N4BP2L2: variants seen among roughly 807,000 people sequenced by gnomAD.
N4BP2L2 encodes NEDD4-binding protein 2-like 2.
N4BP2L2 carries 50 observed loss-of-function variants against 56.2 expected under a neutral mutation model. That is an observed-to-expected ratio of 0.89 (90% CI 0.71 to 1.13). The LOEUF (loss-of-function observed/expected upper bound fraction) is 1.13, where lower values mean the gene tolerates loss of function less well. Ranked by LOEUF, N4BP2L2 falls within the 50% of genes most tolerant of loss-of-function variation. The probability of loss-of-function intolerance (pLI) is 0.00; values close to 1 mark genes in which losing one functional copy is unlikely to be tolerated. For synonymous variants in N4BP2L2, 203 were observed against 223.6 expected, an observed-to-expected ratio of 0.91 and a Z score of 0.82; for missense variants, 689 against 693.8, an observed-to-expected ratio of 0.99 and a Z score of 0.08.
intron 6 of N4BP2L2, among the ~76,000 whole-genome samples, chr13:32,462,497 GA>G (rs1341502301): frequency 6.6e-6 from 1 of 152,044 alleles, no homozygotes; most frequent in African/African-American, 2.4e-5. Context: ...GTTGGTTAAT[GA>G]GCACAAACAT....
At chr13:32,518,105 G>A in intron 5 of N4BP2L2, 102 bp from the exon 6 acceptor site, 1 of 1,070,082 alleles carries the variant, frequency 9.3e-7, no homozygotes, top group East Asian at 2.7e-5. Flanking sequence ...ATAATATTTT[G>A]TAAATAAACA....
chr13:32,472,546 A>G (rs575148444), intron 6 of N4BP2L2, among the ~76,000 whole-genome samples: 20 of 152,342 alleles, frequency 1.3e-4, no homozygotes, highest in African/African-American at 4.6e-4. Context: ...TGATCAAAGC[A>G]AAGGTATCCA....
intron 6 of N4BP2L2, among the ~76,000 whole-genome samples, chr13:32,496,800 C>T (rs926700788): frequency 3.3e-5 from 5 of 152,174 alleles, no homozygotes; most frequent in South Asian, 2.1e-4. Flanking sequence ...TGACATGTTC[C>T]CCACCCACAG....
chr13:32,500,544 T>TGC (rs201197139), intron 6 of N4BP2L2, among the ~76,000 whole-genome samples: 3,936 of 71,130 alleles, frequency 0.055, 344 homozygotes, highest in African/African-American at 0.22. Flanking sequence ...ATCCTGTCTC[T>TGC]ACAAAAAAAA....
intron 6 of N4BP2L2, among the ~76,000 whole-genome samples, chr13:32,456,227 A>G (rs141378692): frequency 1.3e-5 from 2 of 152,282 alleles, no homozygotes; most frequent in East Asian, 3.9e-4. Flanking sequence ...TTCCACTAAC[A>G]AACTCAGCCT....
At chr13:32,433,632 T>C (rs547027244) in intron 9 of N4BP2L2, among the ~76,000 whole-genome samples, 1 of 137,748 alleles carries the variant, frequency 7.3e-6, no homozygotes, top group Admixed American at 7.4e-5. Context: ...AAAATAATAA[T>C]AATAATAAAA....
chr13:32,518,350 TC>T (rs1422860751), intron 5 of N4BP2L2, among the ~76,000 whole-genome samples: 5 of 152,208 alleles, frequency 3.3e-5, no homozygotes, highest in Non-Finnish European at 7.3e-5. Flanking sequence ...TGAGTGGACT[TC>T]TAGGACTTGC....
At chr13:32,473,319 A>T (rs1030887697) in intron 6 of N4BP2L2, among the ~76,000 whole-genome samples, 1 of 152,068 alleles carries the variant, frequency 6.6e-6, no homozygotes, top group Non-Finnish European at 1.5e-5. Flanking sequence ...TATATGTTGA[A>T]ATAATATTTT....
At chr13:32,536,910 T>C (rs777707118) in exon 2 of N4BP2L2, 17 of 1,614,092 alleles carry the variant, frequency 1.1e-5, no homozygotes, top group Non-Finnish European at 1.4e-5. Flanking sequence ...AAATCAGCAT[T>C]ACTATGATTG....
At chr13:32,491,781 G>T (rs527247828) in intron 6 of N4BP2L2, among the ~76,000 whole-genome samples, 56 of 151,494 alleles carry the variant, frequency 3.7e-4, no homozygotes, top group Admixed American at 2.6e-3. Flanking sequence ...ATAGGCACGT[G>T]CCACCACGCC....
chr13:32,518,746 C>A (rs1014655746), intron 5 of N4BP2L2, among the ~76,000 whole-genome samples: 1 of 152,162 alleles, frequency 6.6e-6, no homozygotes, highest in Non-Finnish European at 1.5e-5. Context: ...ATGCAAAGAG[C>A]TTCTGAGATG....
intron 6 of N4BP2L2, among the ~76,000 whole-genome samples, chr13:32,504,095 A>G (rs1043706572): frequency 2.6e-5 from 4 of 152,208 alleles, no homozygotes; most frequent in African/African-American, 9.6e-5. Context: ...TCGAAACAAC[A>G]TATAACAGAT....
chr13:32,514,187 G>A (rs2048707343), exon 6 of N4BP2L2: 1 of 151,730 alleles, frequency 6.6e-6, no homozygotes, highest in Non-Finnish European at 1.5e-5. Context: ...ATATAAAAAA[G>A]CTAACATTAT....
At chr13:32,529,957 C>T (rs2054220413) in intron 2 of N4BP2L2, among the ~76,000 whole-genome samples, 1 of 152,112 alleles carries the variant, frequency 6.6e-6, no homozygotes, top group Admixed American at 6.6e-5. Flanking sequence ...AACTCCTGAC[C>T]TCAGGTGATC....
chr13:32,538,660 C>A (rs919463640), exon 1 of N4BP2L2: 3 of 985,514 alleles, frequency 3.0e-6, no homozygotes, highest in Non-Finnish European at 3.6e-6. Flanking sequence ...CCCAATAAAA[C>A]CTTCTTTTAG....
At chr13:32,536,169 A>G in exon 2 of N4BP2L2, 1 of 1,613,742 alleles carries the variant, frequency 6.2e-7, no homozygotes, top group Non-Finnish European at 8.5e-7. Context: ...TTTAAATGAT[A>G]GTTCAAACTG....
intron 5 of N4BP2L2, among the ~76,000 whole-genome samples, chr13:32,521,097 G>A (rs930175241): frequency 6.6e-6 from 1 of 152,150 alleles, no homozygotes; most frequent in African/African-American, 2.4e-5. Flanking sequence ...AAGGATCTTG[G>A]TATAATACTA....
At chr13:32,536,845 A>T (rs2056676937) in exon 2 of N4BP2L2, 2 of 1,614,110 alleles carry the variant, frequency 1.2e-6, no homozygotes, top group Non-Finnish European at 1.7e-6. Flanking sequence ...GTCCTCTGAC[A>T]TCAATGATGG....
rs566559571 is a variant in N4BP2L2 at position 32,473,817 on chromosome 13, C to T, written c.366-29691G>A. On this transcript the variant is annotated intron_variant, in intron 6 of 9. Transcript: ENST00000357505. ...GCCTCTATCATCCACTTTTAAGGAC[C>T]CTTGTGATAACACTGGGCCCACCAG... 3.3e-5 allele frequency among the ~76,000 whole-genome samples: 5 copies of T among 152,244 alleles called. No individual in the cohort carries two copies. In the East Asian group the frequency reaches 9.6e-4, roughly 29 times the overall value.
Sources: allele counts gnomAD v4.1 joint callset (sites outside exome capture counted in the v4.1 genomes callset), GRCh38; gene constraint gnomAD v4.1.1; transcripts MANE v1.5; gene names NCBI Gene and HGNC (gene_info 2026-07-23, HGNC 2026-07-21).